The following SNRPD1 variants were observed in gnomAD, a reference collection of about 807,000 sequenced individuals.
SNRPD1 encodes small nuclear ribonucleoprotein D1 polypeptide.
A neutral mutation model predicts 14.4 loss-of-function variants in SNRPD1; 1 was observed. That is an observed-to-expected ratio of 0.07 (90% CI 0.02 to 0.33). SNRPD1 has a LOEUF of 0.33. Ranked by LOEUF, SNRPD1 falls within the 10% of genes least tolerant of loss-of-function variation. The pLI is 1.00. For missense variants in SNRPD1, 52 were observed against 146.4 expected, an observed-to-expected ratio of 0.36 and a Z score of 3.33; for synonymous variants, 42 against 50.3, an observed-to-expected ratio of 0.83 and a Z score of 0.70.
chr18:21,613,549 T>A (rs920199845), intron 1 of SNRPD1, among the ~76,000 whole-genome samples: 4 of 152,002 alleles, frequency 2.6e-5, no homozygotes, highest in African/African-American at 7.3e-5. Context: ...AAATAACACA[T>A]AAAAGCCTTC....
intron 1 of SNRPD1, among the ~76,000 whole-genome samples, chr18:21,622,323 G>A (rs1016797721): frequency 6.6e-6 from 1 of 151,942 alleles, no homozygotes; most frequent in East Asian, 1.9e-4. Flanking sequence ...GTATTTTTTA[G>A]TAGAGACGGG....
chr18:21,623,827 G>T lies in SNRPD1; in HGVS notation c.171G>T (p.Thr57=). The T allele has an allele frequency of 1.2e-6, 2 of 1,612,860 alleles. No homozygotes were observed. Among genetic ancestry groups the T allele is most frequent in the Non-Finnish European group, 8.5e-7 (1 of 1,178,938 alleles). Residue 57 remains threonine, a synonymous_variant, in exon 3 of 4, where the codon ACG becomes ACT. Transcript: ENST00000300413. ...ACAGAGAACCTGTACAGCTGGAAAC[G>T]CTGAGTATTCGAGGAAATAACATTC... is the stretch of plus-strand genomic sequence containing the variant. The part of the protein sequence containing the change: ...LKNREPVQLE[T]LSIRGNNIRY...
chr18:21,612,874 G>GT (rs1232292786), intron 1 of SNRPD1, among the ~76,000 whole-genome samples: 1 of 152,144 alleles, frequency 6.6e-6, no homozygotes, highest in Non-Finnish European at 1.5e-5. Flanking sequence ...ACAAGTTTTT[G>GT]TTTTTTTAAA....
intron 1 of SNRPD1, 145 bp downstream of exon 1, chr18:21,612,588 C>G: frequency 3.5e-6 from 2 of 565,784 alleles, no homozygotes; most frequent in East Asian, 3.0e-5. Flanking sequence ...GCCCGCAGCT[C>G]GTGCTCGGGC....
chr18:21,616,411 A>G (rs1422838362), intron 1 of SNRPD1, among the ~76,000 whole-genome samples: 1 of 151,662 alleles, frequency 6.6e-6, no homozygotes, highest in Non-Finnish European at 1.5e-5. Flanking sequence ...AGGCTGGAGT[A>G]CAATTGTGCG....
intron 3 of SNRPD1, 119 bp downstream of exon 3, chr18:21,624,058 A>G (rs2039017091): frequency 3.0e-6 from 2 of 657,376 alleles, no homozygotes; most frequent in Non-Finnish European, 5.2e-6. Flanking sequence ...TTCCTATAGT[A>G]TGTATAGTAA....
intron 1 of SNRPD1, among the ~76,000 whole-genome samples, chr18:21,619,321 A>C (rs1373880224): frequency 6.6e-6 from 1 of 152,118 alleles, no homozygotes; most frequent in African/African-American, 2.4e-5. Context: ...CTGGGATTAC[A>C]GTCAAGTGCC....
At chr18:21,617,870 T>C (rs1463096225) in intron 1 of SNRPD1, among the ~76,000 whole-genome samples, 1 of 152,080 alleles carries the variant, frequency 6.6e-6, no homozygotes, top group African/African-American at 2.4e-5. Flanking sequence ...TCTCAGCTAC[T>C]TGGGAGGCTG....
Position 21,633,258 on chromosome 18 carries a change from A to G in SNRPD1, c.*4120A>G, listed in dbSNP as rs1009606200. On this transcript the variant is annotated 3_prime_UTR_variant, in exon 4 of 4. Transcript: ENST00000300413. ...TTTAATCTATCATAATTATGTGAGC[A>G]TAACTTAGTATTTTGAAATAGATTA... 1.3e-5 allele frequency: 2 copies of G among 152,266 alleles called. No homozygotes were observed. Among genetic ancestry groups the G allele is most frequent in the Non-Finnish European group, 2.9e-5 (2 of 68,054 alleles). 9.4% of individuals were successfully genotyped at this position (152,266 alleles called of 1,614,324 possible).
chr18:21,630,454 A>G lies in SNRPD1; in HGVS notation c.*1316A>G, dbSNP rs371039006. 6.6e-6 allele frequency: 1 copy of G among 151,966 alleles called. No individual in the cohort carries two copies. The highest frequency in any genetic ancestry group is 2.4e-5 in the African/African-American group (1 of 41,402). 9.4% of individuals were successfully genotyped at this position (151,966 alleles called of 1,614,324 possible). A position where few individuals can be genotyped will look rare whatever the true frequency, so the allele number is the denominator to read the frequency against. ...TTTTTTAAGTAAAGAAATTTTCTGCAAAGATCGTTACCTTAAAAAAGTTTA... is the reference window on the plus strand; with the variant it reads ...TTTTTTAAGTAAAGAAATTTTCTGCGAAGATCGTTACCTTAAAAAAGTTTA... On this transcript the variant is annotated 3_prime_UTR_variant, in exon 4 of 4. Transcript: ENST00000300413.
chr18:21,631,429 T>G lies in SNRPD1; in HGVS notation c.*2291T>G, dbSNP rs1164101986. On this transcript the variant is annotated 3_prime_UTR_variant, in exon 4 of 4. Transcript: ENST00000300413. ...CAATATGTAATTTTTCTCCACACGT[T>G]TTTTTTTTTTTTTTTTTTTTTTTTC... The G allele has an allele frequency of 2.2e-5, 1 of 44,698 alleles. No homozygotes were observed. 2.8% of individuals were successfully genotyped at this position (44,698 alleles called of 1,614,324 possible).
In SNRPD1 at chr18:21,629,779, A is replaced by C. The variant is rs900335855; in HGVS notation, c.*641A>C. The C allele has an allele frequency of 6.6e-6, 1 of 152,398 alleles. No homozygotes were observed. Among genetic ancestry groups the C allele is most frequent in the African/African-American group, 2.4e-5 (1 of 41,460 alleles). 9.4% of individuals were successfully genotyped at this position (152,398 alleles called of 1,614,324 possible). A position where few individuals can be genotyped will look rare whatever the true frequency, so the allele number is the denominator to read the frequency against. Reference sequence around the variant, plus strand: ...AAAGAGACTTTAGGCTAAACTTAACAATATATATAGGATATATACCCTTCT... The same window carrying C: ...AAAGAGACTTTAGGCTAAACTTAACCATATATATAGGATATATACCCTTCT... On this transcript the variant is annotated 3_prime_UTR_variant, in exon 4 of 4. Coordinates refer to ENST00000300413, the MANE Select transcript of SNRPD1 (RefSeq NM_006938.4).
intron 1 of SNRPD1, among the ~76,000 whole-genome samples, chr18:21,619,542 TG>T (rs1210025717): frequency 6.7e-6 from 1 of 149,160 alleles, no homozygotes; most frequent in Non-Finnish European, 1.5e-5. Context: ...CCCAGCACTT[TG>T]GGAGGCCAAG....
At chr18:21,618,255 T>G (rs926229811) in intron 1 of SNRPD1, among the ~76,000 whole-genome samples, 18 of 151,762 alleles carry the variant, frequency 1.2e-4, no homozygotes, top group African/African-American at 4.4e-4. Flanking sequence ...AAACCACATC[T>G]CTACAAAAAA....
At chr18:21,614,295 T>G (rs1485706699) in intron 1 of SNRPD1, among the ~76,000 whole-genome samples, 1 of 152,104 alleles carries the variant, frequency 6.6e-6, no homozygotes, top group Non-Finnish European at 1.5e-5. Flanking sequence ...TTTTTGAAAT[T>G]TCTCCATACC....
chr18:21,620,387 C>A (rs2038988856), intron 1 of SNRPD1, among the ~76,000 whole-genome samples: 1 of 152,148 alleles, frequency 6.6e-6, no homozygotes, highest in African/African-American at 2.4e-5. Flanking sequence ...AGGCATGAGC[C>A]ACTGCACTGG....
At chr18:21,624,892 A>G (rs556772900) in intron 3 of SNRPD1, among the ~76,000 whole-genome samples, 1 of 152,062 alleles carries the variant, frequency 6.6e-6, no homozygotes, top group African/African-American at 2.4e-5. Context: ...GTACCCTTTA[A>G]ATCATCTCTA....
intron 3 of SNRPD1, 107 bp downstream of exon 3, chr18:21,624,046 A>G (rs2039017033): frequency 1.4e-6 from 1 of 712,270 alleles, no homozygotes. Flanking sequence ...GTTGTTTAAT[A>G]TTTCCTATAG....
chr18:21,632,526 T>TA lies in SNRPD1; in HGVS notation c.*3390dup, dbSNP rs1289939223. The TA allele has an allele frequency of 1.3e-5, 2 of 152,090 alleles. No individual in the cohort carries two copies. Among genetic ancestry groups the TA allele is most frequent in the African/African-American group, 4.8e-5 (2 of 41,420 alleles). The allele number at this position is 152,090 out of a possible 1,614,324, so 9.4% of individuals were successfully genotyped here. On this transcript the variant is annotated 3_prime_UTR_variant, in exon 4 of 4. Transcript: ENST00000300413. ...TGTTTGCAGTGTGAAGCCAGTCTAG[T>TA]AACAGTTTAAATGTAATAATAAATC...
Sources: allele counts gnomAD v4.1 joint callset (sites outside exome capture counted in the v4.1 genomes callset), GRCh38; gene constraint gnomAD v4.1.1; transcripts MANE v1.5; gene names NCBI Gene and HGNC (gene_info 2026-07-23, HGNC 2026-07-21).